Variants in ATP1A1 observed in about 807,000 individuals in gnomAD.
The protein encoded by ATP1A1 is sodium/potassium-transporting ATPase subunit alpha-1.
Under a neutral mutation model 114.8 loss-of-function variants are expected in ATP1A1, and 14 were observed. The observed-to-expected ratio is 0.12, with a 90% CI of 0.08 to 0.19. ATP1A1 has a LOEUF of 0.19. Ranked by LOEUF, ATP1A1 falls within the 10% of genes least tolerant of loss-of-function variation. ATP1A1 has a pLI of 1.00. For synonymous variants in ATP1A1, 471 were observed against 466.3 expected (o/e 1.01, Z -0.13); for missense variants, 524 against 1,290.7 (o/e 0.41, Z 9.10).
Position 116,401,682 on chromosome 1 carries a change from A to G in ATP1A1, c.2951+27A>G. On this transcript the variant is annotated intron_variant, in intron 21 of 22. Coordinates refer to ENST00000295598, the MANE Select transcript of ATP1A1 (RefSeq NM_000701.8). The surrounding 1 kb of genome is among the most constrained non-coding windows in gnomAD (Gnocchi z 4.7). ...TAAGTTGATCCTCTGGTAGCTCCAA[A>G]AAGTATGAAATAGTATGTGTGGCTT... 1.9e-6 allele frequency: 3 copies of G among 1,597,316 alleles called. No individual in the cohort carries two copies. Among genetic ancestry groups the G allele is most frequent in the Non-Finnish European group, 2.6e-6 (3 of 1,165,630 alleles).
rs1400281220 is a variant in ATP1A1 at position 116,395,712 on chromosome 1, G to A, written c.1836+427G>A. 6.6e-6 allele frequency among the ~76,000 whole-genome samples: 1 copy of A among 152,024 alleles called. No homozygotes were observed. Among genetic ancestry groups the A allele is most frequent in the Non-Finnish European group, 1.5e-5 (1 of 68,010 alleles). Reference sequence around the variant, plus strand: ...TATTACTCAAGTGCACTAATATCCTGTTGCTGGGTATTTGGTTTCTGTTTT... The same window carrying A: ...TATTACTCAAGTGCACTAATATCCTATTGCTGGGTATTTGGTTTCTGTTTT... On this transcript the variant is annotated intron_variant, in intron 13 of 22. Transcript: ENST00000295598. The surrounding 1 kb of genome is among the most constrained non-coding windows in gnomAD (Gnocchi z 6.4).
At chr1:116,392,410 G>A (rs1487302478) in intron 10 of ATP1A1, 3 of 153,282 alleles carry the variant, frequency 2.0e-5, no homozygotes, top group South Asian at 2.1e-4. Context: ...ATTTTCTTAC[G>A]AATTCTACGG....
Position 116,393,509 on chromosome 1 carries a change from A to G in ATP1A1, c.1468-22A>G, listed in dbSNP as rs752825876. 4.4e-6 allele frequency: 7 copies of G among 1,598,000 alleles called. No individual in the cohort carries two copies. The Admixed American group carries it at 8.5e-5, about 19-fold the overall frequency. ...CCACACATCCAACCATCCAATGTTT[A>G]TGTCTCAACAATCCTTCACAGTTGT... On this transcript the variant is annotated intron_variant, in intron 11 of 22. Transcript: ENST00000295598. The surrounding 1 kb of genome is among the most constrained non-coding windows in gnomAD (Gnocchi z 5.0).
chr1:116,375,515 A>G (rs1651306902), intron 1 of ATP1A1, among the ~76,000 whole-genome samples: 1 of 152,258 alleles, frequency 6.6e-6, no homozygotes, highest in South Asian at 2.1e-4. Flanking sequence ...GCTTAAACCC[A>G]GATGTCTTAC....
intron 13 of ATP1A1, among the ~76,000 whole-genome samples, chr1:116,396,212 A>G (rs551875226): frequency 9.9e-4 from 149 of 151,004 alleles, no homozygotes; most frequent in African/African-American, 3.5e-3. Flanking sequence ...AGTTGTGCCA[A>G]TTTGAGAATG....
At chr1:116,383,876 C>T in intron 1 of ATP1A1, 138 bp from the exon 2 acceptor site, 2 of 683,240 alleles carry the variant, frequency 2.9e-6, no homozygotes, top group Non-Finnish European at 5.1e-6. Flanking sequence ...TATGGGTATA[C>T]ATTTTCCTGA....
rs781493270 is a variant in ATP1A1, at chr1:116,390,275, A to G, written c.1086A>G (p.Glu362=). Residue 362 remains glutamate, a synonymous_variant, in exon 9 of 23, where the codon GAA becomes GAG. Transcript: ENST00000295598. ...ARKNCLVKNL[E]AVETLGSTST... ...AAAACTGCTTAGTGAAGAACTTAGA[A>G]GCTGTGGAGACCTTGGGGTCCACGT... 2.1e-5 allele frequency: 34 copies of G among 1,614,058 alleles called. No individual in the cohort carries two copies. The highest frequency in any genetic ancestry group is 2.8e-5 in the Non-Finnish European group (33 of 1,180,024).
chr1:116,389,749 C>CACGA lies in ATP1A1; in HGVS notation c.1023+44_1023+47dup, dbSNP rs1652317764. On this transcript the variant is annotated intron_variant, in intron 8 of 22. Coordinates refer to ENST00000295598, the MANE Select transcript of ATP1A1 (RefSeq NM_000701.8). This position sits in a 1 kb window ranked among gnomAD's most constrained non-coding sequence, Gnocchi z 6.9. The stretch of plus-strand genomic sequence containing the variant: ...GGTCACCCTGACTCAGATCAGCTTG[C>CACGA]ACGAATGTTACACTCTTCCGCTATC... 2 of 1,610,124 alleles carry CACGA rather than the reference C, an allele frequency of 1.2e-6. No individual in the cohort carries two copies. The highest frequency in any genetic ancestry group is 1.1e-5 in the South Asian group (1 of 90,816).
At chr1:116,375,717 G>T (rs150578613) in intron 1 of ATP1A1, among the ~76,000 whole-genome samples, 2 of 152,318 alleles carry the variant, frequency 1.3e-5, no homozygotes, top group Non-Finnish European at 2.9e-5. Context: ...ATGTTCAGAA[G>T]AATATTTCAT....
chr1:116,391,040 A>T, intron 10 of ATP1A1, 149 bp downstream of exon 10: 1 of 622,158 alleles, frequency 1.6e-6, no homozygotes, highest in East Asian at 2.9e-5. Flanking sequence ...TGCTGTGTGT[A>T]ACTTACATTG....
At chr1:116,386,484 A>G (rs1305500273) in intron 3 of ATP1A1, among the ~76,000 whole-genome samples, 1 of 152,216 alleles carries the variant, frequency 6.6e-6, no homozygotes, top group African/African-American at 2.4e-5. Flanking sequence ...TGTAGATAGC[A>G]CTCAAATGTT....
rs1306743737 is a variant in ATP1A1 at position 116,381,598 on chromosome 1, G to T, written c.13-2416G>T. 6.6e-6 allele frequency among the ~76,000 whole-genome samples: 1 copy of T among 152,182 alleles called. No individual in the cohort carries two copies. Among genetic ancestry groups the T allele is most frequent in the Non-Finnish European group, 1.5e-5 (1 of 68,030 alleles). On this transcript the variant is annotated intron_variant, in intron 1 of 22. Coordinates refer to ENST00000295598, the MANE Select transcript of ATP1A1 (RefSeq NM_000701.8). The surrounding 1 kb of genome is among the most constrained non-coding windows in gnomAD (Gnocchi z 5.1). ...CCTAGCATGAATGGATAAAGAAAAAGGAGAGTTATTAGGGAATCTAAATTC... is the reference window on the plus strand; with the variant it reads ...CCTAGCATGAATGGATAAAGAAAAATGAGAGTTATTAGGGAATCTAAATTC...
chr1:116,373,841 C>T (rs1651162802), intron 1 of ATP1A1: 2 of 1,237,976 alleles, frequency 1.6e-6, no homozygotes, highest in Non-Finnish European at 2.0e-6. Flanking sequence ...CTTGGGAAGC[C>T]TCGGGGCCGG....
intron 1 of ATP1A1, among the ~76,000 whole-genome samples, chr1:116,376,435 G>A (rs1435448971): frequency 2.0e-5 from 3 of 152,206 alleles, no homozygotes; most frequent in Non-Finnish European, 2.9e-5. Flanking sequence ...AGATGCCTCA[G>A]AGTGGAAAGT....
intron 21 of ATP1A1, among the ~76,000 whole-genome samples, chr1:116,403,204 C>A (rs1653661124): frequency 6.6e-6 from 1 of 152,118 alleles, no homozygotes; most frequent in Non-Finnish European, 1.5e-5. Context: ...GTCAGACACA[C>A]AGGAAGAAGA....
chr1:116,400,853 C>A lies in ATP1A1; in HGVS notation c.2573-8C>A. 6.2e-7 allele frequency: 1 copy of A among 1,613,934 alleles called. No homozygotes were observed. Among genetic ancestry groups the A allele is most frequent in the South Asian group, 1.1e-5 (1 of 91,054 alleles). On this transcript the variant is annotated splice_region_variant and splice_polypyrimidine_tract_variant and intron_variant, in intron 18 of 22. Transcript: ENST00000295598. The stretch of plus-strand genomic sequence containing the variant: ...GGTTCTAGTAATTGGGTTGTTTTCC[C>A]AACTTAGGAATGATCCAGGCCCTGG...
intron 1 of ATP1A1, among the ~76,000 whole-genome samples, chr1:116,380,765 T>C (rs1651692909): frequency 1.3e-5 from 2 of 152,168 alleles, no homozygotes; most frequent in Admixed American, 6.5e-5. Flanking sequence ...GGGCACCTTT[T>C]CCCTCTACCC....
Position 116,385,179 on chromosome 1 carries a change from A to C in ATP1A1, c.183+337A>C, listed in dbSNP as rs1232262188. ...TTCCCTTTATTTTTCTACATTTGTT[A>C]AATAGAGTTGAATCTTTCACCTAGT... On this transcript the variant is annotated intron_variant, in intron 3 of 22. Coordinates refer to ENST00000295598, the MANE Select transcript of ATP1A1 (RefSeq NM_000701.8). This position sits in a 1 kb window ranked among gnomAD's most constrained non-coding sequence, Gnocchi z 4.3. 1 of 279,730 alleles carries C rather than the reference A, an allele frequency of 3.6e-6. No homozygotes were observed. Among genetic ancestry groups the C allele is most frequent in the Admixed American group, 5.8e-5 (1 of 17,156 alleles). The allele number at this position is 279,730 out of a possible 1,614,324, so 17.3% of individuals were successfully genotyped here.
rs547806390 is a variant in ATP1A1, at chr1:116,404,087, A to G, written c.3043+112A>G. 12 of 1,041,200 alleles carry G rather than the reference A, an allele frequency of 1.2e-5. No homozygotes were observed. Among genetic ancestry groups the G allele is most frequent in the Admixed American group, 2.4e-5 (1 of 42,374 alleles). 64.5% of individuals were successfully genotyped at this position (1,041,200 alleles called of 1,614,324 possible). On this transcript the variant is annotated intron_variant, in intron 22 of 22. Coordinates refer to ENST00000295598, the MANE Select transcript of ATP1A1 (RefSeq NM_000701.8). The surrounding 1 kb of genome is among the most constrained non-coding windows in gnomAD (Gnocchi z 4.8). ...GGCTCCCTCAGTGGTCAGTCTGATT[A>G]GCTAAGGTGACTGGACCAGCAAACT...
Sources: allele counts gnomAD v4.1 joint callset (sites outside exome capture counted in the v4.1 genomes callset), GRCh38; gene constraint gnomAD v4.1.1; non-coding constraint Gnocchi (gnomAD v3.1); transcripts MANE v1.5; gene names NCBI Gene and HGNC (gene_info 2026-07-23, HGNC 2026-07-21).